Variants in AGBL4 observed in about 807,000 individuals in gnomAD.
AGBL4 encodes AGBL carboxypeptidase 4.
A neutral mutation model predicts 66.4 loss-of-function variants in AGBL4; 58 were observed. The ratio of observed to expected loss-of-function variants is 0.87; its 90% confidence interval spans 0.71 to 1.09. The LOEUF (loss-of-function observed/expected upper bound fraction) is 1.09. Among genes scored for constraint, AGBL4 ranks in the 50% least tolerant of loss-of-function variants. The pLI is 0.00. For missense variants in AGBL4, 579 were observed against 631.0 expected (o/e 0.92, Z 0.88); for synonymous variants, 234 against 222.9 (o/e 1.05, Z -0.44).
intron 5 of AGBL4, among the ~76,000 whole-genome samples, chr1:48,949,725 G>C (rs1248743354): frequency 6.6e-6 from 1 of 152,198 alleles, no homozygotes; most frequent in Non-Finnish European, 1.5e-5. Flanking sequence ...GAAAATCAGA[G>C]AATGGCCAAT....
At chr1:48,640,550 A>T (rs1181228327) in intron 8 of AGBL4, among the ~76,000 whole-genome samples, 1 of 152,262 alleles carries the variant, frequency 6.6e-6, no homozygotes, top group Non-Finnish European at 1.5e-5. Flanking sequence ...ATCAAATGAG[A>T]TAGGTATTAT....
chr1:48,814,971 C>T (rs1934371), intron 6 of AGBL4, among the ~76,000 whole-genome samples: 123,836 of 152,084 alleles, frequency 0.81, 53,311 homozygotes, highest in Non-Finnish European at 0.96. Context: ...TTTGAGGAAA[C>T]TCCATACTGT....
chr1:49,227,823 GC>G (rs1178520105), intron 4 of AGBL4, among the ~76,000 whole-genome samples: 1 of 152,112 alleles, frequency 6.6e-6, no homozygotes, highest in African/African-American at 2.4e-5. Flanking sequence ...TGGCTGCAGT[GC>G]CCTATTCTCT....
intron 6 of AGBL4, among the ~76,000 whole-genome samples, chr1:48,711,474 G>A (rs1392112354): frequency 6.6e-6 from 1 of 152,170 alleles, no homozygotes; most frequent in African/African-American, 2.4e-5. Context: ...TACAATCAGG[G>A]AGATAAGCAC....
chr1:49,807,733 T>C (rs909942907), intron 2 of AGBL4, among the ~76,000 whole-genome samples: 20 of 152,330 alleles, frequency 1.3e-4, no homozygotes, highest in African/African-American at 4.6e-4. Flanking sequence ...TCTAAATATA[T>C]GTGTTCCTCC....
At chr1:49,800,345 T>C (rs1644828761) in intron 2 of AGBL4, among the ~76,000 whole-genome samples, 1 of 146,338 alleles carries the variant, frequency 6.8e-6, no homozygotes, top group South Asian at 2.2e-4. Flanking sequence ...ATTTTTTTTA[T>C]TTATTATTTT....
intron 1 of AGBL4, among the ~76,000 whole-genome samples, chr1:49,916,330 C>A (rs1399005413): frequency 6.6e-6 from 1 of 152,044 alleles, no homozygotes; most frequent in African/African-American, 2.4e-5. Flanking sequence ...AAGCTAAAAA[C>A]CTTGAAAAAA....
chr1:48,969,291 C>A (rs1658713623), intron 5 of AGBL4, among the ~76,000 whole-genome samples: 1 of 152,134 alleles, frequency 6.6e-6, no homozygotes, highest in African/African-American at 2.4e-5. Flanking sequence ...GGCCTTTGCT[C>A]ATGTTATCCC....
At chr1:48,943,218 T>A (rs551036697) in intron 5 of AGBL4, among the ~76,000 whole-genome samples, 1 of 152,320 alleles carries the variant, frequency 6.6e-6, no homozygotes, top group African/African-American at 2.4e-5. Context: ...CCTGCCCCCA[T>A]AGCGCCTAAA....
At chr1:49,561,430 T>C (rs1237127954) in intron 3 of AGBL4, among the ~76,000 whole-genome samples, 3 of 151,832 alleles carry the variant, frequency 2.0e-5, no homozygotes, top group Non-Finnish European at 4.4e-5. Flanking sequence ...TAGCATTAGG[T>C]GTATCTCCTA....
intron 5 of AGBL4, among the ~76,000 whole-genome samples, chr1:48,940,977 G>A (rs758736808): frequency 3.3e-5 from 5 of 152,192 alleles, no homozygotes; most frequent in Non-Finnish European, 7.3e-5. Context: ...ATTGGGAAAG[G>A]AGGGGAGTGG....
At chr1:49,064,446 T>G (rs1291538466) in intron 4 of AGBL4, among the ~76,000 whole-genome samples, 3 of 152,210 alleles carry the variant, frequency 2.0e-5, no homozygotes, top group Non-Finnish European at 4.4e-5. Context: ...TCCTTTATAT[T>G]TTGACCAGAT....
chr1:49,668,975 T>C (rs1646422834), intron 3 of AGBL4, among the ~76,000 whole-genome samples: 1 of 152,152 alleles, frequency 6.6e-6, no homozygotes, highest in Admixed American at 6.6e-5. Context: ...TCTTCATTTG[T>C]GCAGGAAATC....
chr1:49,866,569 G>C (rs1557526557), intron 1 of AGBL4, among the ~76,000 whole-genome samples: 1 of 152,146 alleles, frequency 6.6e-6, no homozygotes, highest in Non-Finnish European at 1.5e-5. Context: ...TTCGAGACCA[G>C]TCTGGTCAAC....
At chr1:49,142,327 T>A (rs1646134028) in intron 4 of AGBL4, among the ~76,000 whole-genome samples, 1 of 152,058 alleles carries the variant, frequency 6.6e-6, no homozygotes, top group Admixed American at 6.6e-5. Context: ...TCCCCCTCAC[T>A]GTCCTCCTTC....
intron 3 of AGBL4, among the ~76,000 whole-genome samples, chr1:49,611,291 A>G (rs1332230170): frequency 6.6e-6 from 1 of 152,110 alleles, no homozygotes; most frequent in Non-Finnish European, 1.5e-5. Context: ...TGGAAAAGAG[A>G]GAAGAATGGA....
chr1:48,727,150 A>G (rs960612995), intron 6 of AGBL4, among the ~76,000 whole-genome samples: 3 of 152,256 alleles, frequency 2.0e-5, no homozygotes, highest in East Asian at 3.8e-4. Context: ...GATACAAGAT[A>G]GGATGAAAGA....
chr1:49,375,333 A>G (rs1644450249), intron 3 of AGBL4, among the ~76,000 whole-genome samples: 1 of 152,032 alleles, frequency 6.6e-6, no homozygotes, highest in South Asian at 2.1e-4. Flanking sequence ...ATCCTTTCCC[A>G]TGACACTACT....
At chr1:49,158,954 T>A (rs1388277390) in intron 4 of AGBL4, among the ~76,000 whole-genome samples, 1 of 145,966 alleles carries the variant, frequency 6.9e-6, no homozygotes, top group Non-Finnish European at 1.5e-5. Context: ...AGCCTATGTA[T>A]GTCTTTGCAT....
Sources: allele counts gnomAD v4.1 joint callset (sites outside exome capture counted in the v4.1 genomes callset), GRCh38; gene constraint gnomAD v4.1.1; transcripts MANE v1.5; gene names NCBI Gene and HGNC (gene_info 2026-07-23, HGNC 2026-07-21).